FHIT: variants seen among roughly 807,000 people sequenced by gnomAD.
FHIT encodes fragile histidine triad diadenosine triphosphatase.
FHIT carries 19 observed loss-of-function variants against 17.9 expected under a neutral mutation model. The ratio of observed to expected loss-of-function variants is 1.06; its 90% CI spans 0.74 to 1.56. The LOEUF is 1.56. Ranked by LOEUF, FHIT falls within the 40% of genes most tolerant of loss-of-function variation. The probability of loss-of-function intolerance (pLI) is 0.00; values close to 1 mark genes in which losing one functional copy is unlikely to be tolerated. For missense variants in FHIT, 248 were observed against 189.2 expected (o/e 1.31, Z -1.82); for synonymous variants, 81 against 69.7 (o/e 1.16, Z -0.81).
At chr3:60,025,119 T>C (rs1700692472) in intron 5 of FHIT, among the ~76,000 whole-genome samples, 1 of 152,104 alleles carries the variant, frequency 6.6e-6, no homozygotes, top group Admixed American at 6.5e-5. Flanking sequence ...GTGATGTAAT[T>C]TTGAGATACG....
intron 5 of FHIT, among the ~76,000 whole-genome samples, chr3:60,037,760 C>G (rs965469573): frequency 2.0e-5 from 3 of 151,272 alleles, no homozygotes; most frequent in African/African-American, 7.3e-5. Context: ...GTCACCCAGG[C>G]TGGAGTGCAG....
intron 5 of FHIT, among the ~76,000 whole-genome samples, chr3:60,373,130 C>T (rs1700403764): frequency 6.6e-6 from 1 of 152,150 alleles, no homozygotes; most frequent in South Asian, 2.1e-4. Context: ...ACCTTGCCTT[C>T]AACAGCCTCT....
chr3:59,855,777 C>T (rs971018358), intron 8 of FHIT, among the ~76,000 whole-genome samples: 8 of 150,654 alleles, frequency 5.3e-5, no homozygotes, highest in Non-Finnish European at 1.0e-4. Context: ...AATAGATAAA[C>T]CTTTTTTTGT....
intron 8 of FHIT, among the ~76,000 whole-genome samples, chr3:59,897,918 C>T (rs552554679): frequency 1.3e-5 from 2 of 152,212 alleles, no homozygotes; most frequent in Non-Finnish European, 2.9e-5. Context: ...AGGCACCCGC[C>T]ACCACGCCTG....
chr3:59,927,463 TAAAAAA>T (rs58083993), intron 7 of FHIT, among the ~76,000 whole-genome samples: 4 of 130,266 alleles, frequency 3.1e-5, no homozygotes, highest in Non-Finnish European at 6.3e-5. Context: ...AGCTATTACT[TAAAAAA>T]AAAAAAAAAA....
chr3:60,521,303 A>G (rs1456568877), intron 5 of FHIT, among the ~76,000 whole-genome samples: 1 of 152,050 alleles, frequency 6.6e-6, no homozygotes, highest in Non-Finnish European at 1.5e-5. Context: ...GCTGGAGTGC[A>G]ATGGCATGAT....
intron 5 of FHIT, among the ~76,000 whole-genome samples, chr3:60,268,586 C>A (rs1337335178): frequency 6.6e-6 from 1 of 152,196 alleles, no homozygotes; most frequent in South Asian, 2.1e-4. Context: ...GTATTATTTA[C>A]ATTATGTGAA....
At chr3:59,980,723 T>C (rs1370329392) in intron 7 of FHIT, among the ~76,000 whole-genome samples, 9 of 152,152 alleles carry the variant, frequency 5.9e-5, no homozygotes, top group Admixed American at 1.3e-4. Context: ...AGGGAGAAGA[T>C]AGCATCTATG....
intron 5 of FHIT, among the ~76,000 whole-genome samples, chr3:60,400,373 T>G (rs1445501345): frequency 6.6e-6 from 1 of 152,102 alleles, no homozygotes; most frequent in African/African-American, 2.4e-5. Flanking sequence ...CAAGAGGAGC[T>G]CCATATAAGA....
chr3:60,946,398 T>C (rs1708641052), intron 3 of FHIT, among the ~76,000 whole-genome samples: 1 of 152,192 alleles, frequency 6.6e-6, no homozygotes, highest in African/African-American at 2.4e-5. Context: ...CCTTAACTTC[T>C]GCCCTCTAAA....
At chr3:59,984,365 T>C (rs1050686084) in intron 7 of FHIT, among the ~76,000 whole-genome samples, 1 of 148,504 alleles carries the variant, frequency 6.7e-6, no homozygotes, top group African/African-American at 2.5e-5. Context: ...AGAATATTAG[T>C]GCTTCAAGCA....
At chr3:60,629,020 T>G (rs889472792) in intron 4 of FHIT, among the ~76,000 whole-genome samples, 3 of 152,060 alleles carry the variant, frequency 2.0e-5, no homozygotes, top group Non-Finnish European at 4.4e-5. Flanking sequence ...GCCTCAATAT[T>G]CTCAGCCTCC....
intron 4 of FHIT, among the ~76,000 whole-genome samples, chr3:60,699,340 A>G (rs1236226382): frequency 6.6e-6 from 1 of 152,182 alleles, no homozygotes; most frequent in Non-Finnish European, 1.5e-5. Context: ...GCCTTCCAGA[A>G]AGTTTACTAA....
chr3:60,662,392 C>T (rs114032882), intron 4 of FHIT, among the ~76,000 whole-genome samples: 10 of 152,150 alleles, frequency 6.6e-5, no homozygotes, highest in Non-Finnish European at 1.0e-4. Flanking sequence ...CTGCTCCATT[C>T]GTCTCCGTGC....
At chr3:59,795,333 G>A (rs190981134) in intron 8 of FHIT, among the ~76,000 whole-genome samples, 3,321 of 151,798 alleles carry the variant, frequency 0.022, 119 homozygotes, top group African/African-American at 0.073. Flanking sequence ...GCAGTGAGCC[G>A]AGATTGTGCC....
chr3:60,504,653 C>A (rs1345834598), intron 5 of FHIT, among the ~76,000 whole-genome samples: 1 of 151,768 alleles, frequency 6.6e-6, no homozygotes, highest in African/African-American at 2.4e-5. Context: ...AACCGCAGCT[C>A]CAAAGGAGAA....
intron 5 of FHIT, among the ~76,000 whole-genome samples, chr3:60,344,894 CAA>C (rs1238458764): frequency 6.6e-6 from 1 of 151,980 alleles, no homozygotes; most frequent in African/African-American, 2.4e-5. Flanking sequence ...TAAAAAATTT[CAA>C]AGACATAGAA....
At chr3:60,795,184 T>C (rs1363853867) in intron 4 of FHIT, among the ~76,000 whole-genome samples, 7 of 152,342 alleles carry the variant, frequency 4.6e-5, no homozygotes, top group Admixed American at 4.6e-4. Flanking sequence ...ATCTGATGAC[T>C]TCACAGTATT....
chr3:60,331,350 T>C (rs1709967565), intron 5 of FHIT, among the ~76,000 whole-genome samples: 1 of 152,182 alleles, frequency 6.6e-6, no homozygotes, highest in Admixed American at 6.5e-5. Flanking sequence ...GTGCCAAGTT[T>C]CATGTTTCCT....
Sources: allele counts gnomAD v4.1 joint callset (sites outside exome capture counted in the v4.1 genomes callset), GRCh38; gene constraint gnomAD v4.1.1; transcripts MANE v1.5; gene names NCBI Gene and HGNC (gene_info 2026-07-23, HGNC 2026-07-21).